NLGN4Y: variants seen among roughly 807,000 people sequenced by gnomAD.
NLGN4Y encodes neuroligin 4 Y-linked, also known as neuroligin-4, Y-linked.
NLGN4Y carries 4 observed loss-of-function variants against 8.4 expected under a neutral mutation model. The ratio of observed to expected loss-of-function variants is 0.48; its 90% CI spans 0.23 to 1.09. The LOEUF (loss-of-function observed/expected upper bound fraction) is 1.09, where lower values mean the gene tolerates loss of function less well. Among genes scored for constraint, NLGN4Y ranks in the 50% least tolerant of loss-of-function variants. NLGN4Y has a pLI of 0.19. For synonymous variants in NLGN4Y, 35 were observed against 75.6 expected, an observed-to-expected ratio of 0.46 and a Z score of 2.78; for missense variants, 90 against 192.3, an observed-to-expected ratio of 0.47 and a Z score of 3.15.
intron 1 of NLGN4Y, among the ~76,000 whole-genome samples, chrY:14,590,762 C>T (rs989630001): frequency 5.2e-4 from 17 of 32,991 alleles, no homozygotes; most frequent in Non-Finnish European, 8.9e-4. Context: ...TTCCAGTAAA[C>T]GCCGGGCAGC....
At chrY:14,695,965 G>A in intron 2 of NLGN4Y, among the ~76,000 whole-genome samples, 1 of 32,201 alleles carries the variant, frequency 3.1e-5, no homozygotes, top group Non-Finnish European at 7.6e-5. Context: ...CTTTCTCTCT[G>A]TCAGCAGGAG....
At chrY:14,784,783 A>G in intron 4 of NLGN4Y, among the ~76,000 whole-genome samples, 1 of 33,958 alleles carries the variant, frequency 2.9e-5, no homozygotes, top group Non-Finnish European at 7.3e-5. Context: ...GTACATATAC[A>G]TAATGGAATA....
intron 3 of NLGN4Y, among the ~76,000 whole-genome samples, chrY:14,720,920 A>G: frequency 3.0e-5 from 1 of 33,308 alleles, no homozygotes; most frequent in Non-Finnish European, 7.4e-5. Context: ...TTGAGCAAAT[A>G]CATAAAAATG....
rs1603504233 is a variant in NLGN4Y at position 14,803,097 on chromosome Y, G to A, written c.686-21091G>A. On this transcript the variant is annotated intron_variant, in intron 4 of 6. Transcript: ENST00000684976. ...ATATTTATATAATATTTTATATATA[G>A]AACATAATATAAATTTGTATATGAT... Among the ~76,000 whole-genome samples the A allele has an allele frequency of 3.7e-4, 8 of 21,760 alleles. No individual in the cohort carries two copies. The East Asian group carries it at 8.4e-3, about 23-fold the overall frequency. The allele number at this position is 21,760 out of a possible 37,273, so 58.4% of individuals were successfully genotyped here. A position where few individuals can be genotyped will look rare whatever the true frequency, so the allele number is the denominator to read the frequency against.
chrY:14,662,707 T>C (rs984033153), intron 2 of NLGN4Y, among the ~76,000 whole-genome samples: 1 of 33,274 alleles, frequency 3.0e-5, no homozygotes, highest in Non-Finnish European at 7.4e-5. Flanking sequence ...GATTAAGATT[T>C]ATATCTTTTG....
chrY:14,804,205 G>T (rs753424647), intron 4 of NLGN4Y, among the ~76,000 whole-genome samples: 10 of 33,893 alleles, frequency 3.0e-4, no homozygotes, highest in Admixed American at 2.1e-3. Context: ...CAAGTGTGAA[G>T]TCATTTATGC....
At chrY:14,828,753 G>C in intron 5 of NLGN4Y, among the ~76,000 whole-genome samples, 1 of 33,498 alleles carries the variant, frequency 3.0e-5, no homozygotes, top group Non-Finnish European at 7.4e-5. Flanking sequence ...ACTTACAGCT[G>C]AATGCTTTAT....
At chrY:14,839,024 T>C (rs934284238) in intron 6 of NLGN4Y, among the ~76,000 whole-genome samples, 11 of 33,338 alleles carry the variant, frequency 3.3e-4, no homozygotes, top group Admixed American at 5.5e-4. Flanking sequence ...TCCTTGGTCC[T>C]GTAGCCTTCT....
At chrY:14,579,514 C>T in intron 1 of NLGN4Y, among the ~76,000 whole-genome samples, 2 of 32,455 alleles carry the variant, frequency 6.2e-5, no homozygotes, top group Non-Finnish European at 1.5e-4. Flanking sequence ...TGGAGACCAG[C>T]CCGGGCAATA....
At chrY:14,707,884 T>A (rs1011805059) in intron 2 of NLGN4Y, among the ~76,000 whole-genome samples, 1 of 33,532 alleles carries the variant, frequency 3.0e-5, no homozygotes, top group Non-Finnish European at 7.4e-5. Flanking sequence ...TGTCAATTCT[T>A]GCTAAATGTA....
intron 1 of NLGN4Y, among the ~76,000 whole-genome samples, chrY:14,610,090 C>G (rs919208798): frequency 3.0e-5 from 1 of 33,234 alleles, no homozygotes; most frequent in Admixed American, 2.7e-4. Flanking sequence ...ATACTTTTCT[C>G]TTTTATTTTT....
At chrY:14,547,036 G>A (rs745786013) in intron 1 of NLGN4Y, among the ~76,000 whole-genome samples, 1 of 34,110 alleles carries the variant, frequency 2.9e-5, no homozygotes, top group Non-Finnish European at 7.3e-5. Context: ...TGAGATAATC[G>A]TGTGGTTTTT....
intron 2 of NLGN4Y, among the ~76,000 whole-genome samples, chrY:14,679,384 C>T: frequency 9.3e-5 from 3 of 32,160 alleles, no homozygotes; most frequent in African/African-American, 3.7e-4. Context: ...ATTGCTTGAG[C>T]CTAGGAGTTT....
chrY:14,704,673 C>T, intron 2 of NLGN4Y, among the ~76,000 whole-genome samples: 4 of 33,073 alleles, frequency 1.2e-4, no homozygotes, highest in African/African-American at 4.7e-4. Context: ...ATGCTGGCCT[C>T]ATAAAACGAG....
intron 2 of NLGN4Y, among the ~76,000 whole-genome samples, chrY:14,711,918 AC>A (rs2080900202): frequency 9.5e-5 from 3 of 31,480 alleles, no homozygotes; most frequent in Admixed American, 2.9e-4. Context: ...TACTATAAAT[AC>A]AAAAATTAAT....
chrY:14,741,074 G>T (rs2081004940), intron 4 of NLGN4Y, among the ~76,000 whole-genome samples: 1 of 32,900 alleles, frequency 3.0e-5, no homozygotes. Context: ...TACGGCTGAG[G>T]TATTCAAAAT....
intron 2 of NLGN4Y, among the ~76,000 whole-genome samples, chrY:14,623,257 T>C: frequency 2.9e-5 from 1 of 34,007 alleles, no homozygotes; most frequent in Non-Finnish European, 7.3e-5. Flanking sequence ...CTTTTTTCTA[T>C]AAAACACCAA....
chrY:14,786,853 A>G, intron 4 of NLGN4Y, among the ~76,000 whole-genome samples: 1 of 32,165 alleles, frequency 3.1e-5, no homozygotes, highest in African/African-American at 1.2e-4. Flanking sequence ...GGCATTTATC[A>G]TTACTTAATG....
intron 1 of NLGN4Y, among the ~76,000 whole-genome samples, chrY:14,576,531 C>A: frequency 3.0e-5 from 1 of 33,285 alleles, no homozygotes; most frequent in Non-Finnish European, 7.4e-5. Context: ...TGACCCCTTG[C>A]ACTTCCCAGG....
Sources: allele counts gnomAD v4.1 joint callset (sites outside exome capture counted in the v4.1 genomes callset), GRCh38; gene constraint gnomAD v4.1.1; transcripts MANE v1.5; gene names NCBI Gene and HGNC (gene_info 2026-07-23, HGNC 2026-07-21).